The following HEATR5A variants were observed in gnomAD, a reference collection of about 807,000 sequenced individuals.
HEATR5A encodes the protein HEAT repeat containing 5A.
HEATR5A carries 178 observed loss-of-function variants against 218.8 expected under a neutral mutation model. That is an observed-to-expected ratio of 0.81 (90% CI 0.72 to 0.92). The LOEUF is 0.92. Ranked by LOEUF, HEATR5A falls within the 40% of genes least tolerant of loss-of-function variation. The probability of loss-of-function intolerance (pLI) is 0.00; values close to 1 mark genes in which losing one functional copy is unlikely to be tolerated. For synonymous variants in HEATR5A, 864 were observed against 871.6 expected, an observed-to-expected ratio of 0.99 and a Z score of 0.15; for missense variants, 2,420 against 2,418.9, an observed-to-expected ratio of 1.00 and a Z score of -0.01.
intron 2 of HEATR5A, among the ~76,000 whole-genome samples, chr14:31,401,795 T>C (rs865890512): frequency 6.6e-6 from 1 of 152,264 alleles, no homozygotes; most frequent in Non-Finnish European, 1.5e-5. Flanking sequence ...GACCTTGTAA[T>C]GGCTACCTGT....
intron 2 of HEATR5A, among the ~76,000 whole-genome samples, chr14:31,401,660 G>C (rs142977141): frequency 3.3e-5 from 5 of 152,046 alleles, no homozygotes; most frequent in Admixed American, 6.6e-5. Context: ...CATGTAACTT[G>C]GTCTATAAGC....
At chr14:31,351,555 A>G (rs1485650072) in intron 16 of HEATR5A, among the ~76,000 whole-genome samples, 1 of 152,076 alleles carries the variant, frequency 6.6e-6, no homozygotes, top group Non-Finnish European at 1.5e-5. Flanking sequence ...CTAAAAAGGT[A>G]ATGTTAAATG....
intron 14 of HEATR5A, 126 bp from the exon 15 acceptor site, chr14:31,359,183 G>A: frequency 1.1e-6 from 1 of 879,846 alleles, no homozygotes; most frequent in Non-Finnish European, 1.7e-6. Flanking sequence ...CCAAAAGACT[G>A]TATTTCTCAT....
intron 25 of HEATR5A, among the ~76,000 whole-genome samples, chr14:31,318,701 G>T (rs1241688652): frequency 6.6e-6 from 1 of 152,142 alleles, no homozygotes; most frequent in Non-Finnish European, 1.5e-5. Context: ...TGTTGGCCAG[G>T]CTGGTCTCCA....
Position 31,402,880 on chromosome 14 carries a change from G to T in HEATR5A, c.96C>A (p.Tyr32Ter). ...KAEFIFEWLR[Y>*]LEKLLLATSR... ...TGGTTGCCAACAAGAGCTTCTCCAA[G>T]TATCTCAACCACTCAAAAATAAACT... The change falls in exon 2 of 36, where the codon TAC (tyrosine) becomes TAA (stop). Residue 32 changes from tyrosine (Y) to a stop codon, truncating the protein, a stop_gained. Transcript: ENST00000543095. LOFTEE classifies it high-confidence loss of function. The T allele has an allele frequency of 6.5e-7, 1 of 1,536,502 alleles. No individual in the cohort carries two copies. The highest frequency in any genetic ancestry group is 8.7e-7 in the Non-Finnish European group (1 of 1,146,940).
In HEATR5A at chr14:31,317,938, C is replaced by T. The variant is rs543720158; in HGVS notation, c.4038+286G>A. On this transcript the variant is annotated intron_variant, in intron 26 of 35. Transcript: ENST00000543095. ...GGAATTTATCTCACAGATATGCTTA[C>T]ACCCAGTGAAATGACCTATGCACAA... 2.2e-3 allele frequency among the ~76,000 whole-genome samples: 337 copies of T among 152,268 alleles called. 1 individual carries two copies. The highest frequency in any genetic ancestry group is 7.7e-3 in the African/African-American group (320 of 41,542).
intron 25 of HEATR5A, 133 bp from the exon 26 acceptor site, chr14:31,318,425 G>A (rs1256422744): frequency 7.4e-6 from 5 of 673,896 alleles, no homozygotes; most frequent in African/African-American, 1.8e-5. Flanking sequence ...TCTACCCAGT[G>A]TATCTTCCCC....
chr14:31,309,246 T>C, intron 28 of HEATR5A, 64 bp from the exon 29 acceptor site: 1 of 1,546,062 alleles, frequency 6.5e-7, no homozygotes, highest in Non-Finnish European at 8.8e-7. Flanking sequence ...CTTTTTTCTG[T>C]TACAAGATAT....
chr14:31,418,584 T>C (rs1245914847), intron 1 of HEATR5A, among the ~76,000 whole-genome samples: 1 of 152,240 alleles, frequency 6.6e-6, no homozygotes, highest in Non-Finnish European at 1.5e-5. Context: ...ACTAAGTTTT[T>C]TGGCCCCAGT....
intron 21 of HEATR5A, chr14:31,340,348 A>T (rs879070585): frequency 1.9e-6 from 1 of 534,112 alleles, no homozygotes; most frequent in East Asian, 7.8e-5. Flanking sequence ...TCGCTTAAAA[A>T]AAGAGATGCA....
intron 27 of HEATR5A, among the ~76,000 whole-genome samples, chr14:31,314,298 C>T (rs998371803): frequency 6.6e-6 from 1 of 150,986 alleles, no homozygotes; most frequent in Non-Finnish European, 1.5e-5. Flanking sequence ...CGCTCTTGTT[C>T]CCCAAGCTGG....
intron 25 of HEATR5A, chr14:31,320,258 A>C: frequency 1.4e-6 from 1 of 702,782 alleles, no homozygotes; most frequent in Non-Finnish European, 2.7e-6. Context: ...GGAGATCATC[A>C]AACAGAAGAG....
intron 14 of HEATR5A, among the ~76,000 whole-genome samples, chr14:31,361,051 T>C (rs1261124561): frequency 6.6e-6 from 1 of 152,164 alleles, no homozygotes; most frequent in Non-Finnish European, 1.5e-5. Flanking sequence ...AGTATGTTGT[T>C]TTACAGGTAA....
chr14:31,368,881 AAG>A (rs1901910814), intron 13 of HEATR5A, among the ~76,000 whole-genome samples: 1 of 152,150 alleles, frequency 6.6e-6, no homozygotes, highest in South Asian at 2.1e-4. Context: ...TTTAAACAAA[AAG>A]AAAAAAAGTA....
intron 13 of HEATR5A, among the ~76,000 whole-genome samples, chr14:31,369,449 T>C (rs1901935873): frequency 6.6e-6 from 1 of 151,490 alleles, no homozygotes; most frequent in South Asian, 2.1e-4. Context: ...CCTGTCTCTA[T>C]GAAAAACACA....
chr14:31,404,225 A>T (rs957179219), intron 1 of HEATR5A, among the ~76,000 whole-genome samples: 3 of 152,238 alleles, frequency 2.0e-5, no homozygotes, highest in Non-Finnish European at 4.4e-5. Context: ...GGGTATTCCT[A>T]TTCACTAGTG....
chr14:31,313,531 T>C (rs985214628), intron 27 of HEATR5A, among the ~76,000 whole-genome samples: 2 of 152,188 alleles, frequency 1.3e-5, no homozygotes, highest in Non-Finnish European at 2.9e-5. Context: ...CAGGTAGCCA[T>C]CTCTTAACTG....
intron 33 of HEATR5A, chr14:31,296,681 T>C (rs542222116): frequency 1.3e-5 from 2 of 152,340 alleles, no homozygotes; most frequent in East Asian, 1.9e-4. Flanking sequence ...AATTTTCTAT[T>C]AGAAGTAATC....
At chr14:31,403,674 G>A (rs1430174231) in intron 1 of HEATR5A, among the ~76,000 whole-genome samples, 1 of 152,160 alleles carries the variant, frequency 6.6e-6, no homozygotes, top group Non-Finnish European at 1.5e-5. Context: ...GTATTGTCCA[G>A]GAATTATAGC....
Sources: allele counts gnomAD v4.1 joint callset (sites outside exome capture counted in the v4.1 genomes callset), GRCh38; gene constraint gnomAD v4.1.1; transcripts MANE v1.5; gene names NCBI Gene and HGNC (gene_info 2026-07-23, HGNC 2026-07-21).